ARHGAP10: variants seen among roughly 807,000 people sequenced by gnomAD.
The protein encoded by ARHGAP10 is Rho GTPase activating protein 10, also known as rho GTPase-activating protein 10.
ARHGAP10 carries 87 observed loss-of-function variants against 108.6 expected under a neutral mutation model. That is an observed-to-expected ratio of 0.80 (90% CI 0.67 to 0.96). The LOEUF (loss-of-function observed/expected upper bound fraction) is 0.96. Among genes scored for constraint, ARHGAP10 ranks in the 40% least tolerant of loss-of-function variants. The pLI, the probability that ARHGAP10 is intolerant of heterozygous loss-of-function variation, is 0.00. For missense variants in ARHGAP10, 939 were observed against 954.5 expected, an observed-to-expected ratio of 0.98 and a Z score of 0.21; for synonymous variants, 347 against 341.1, an observed-to-expected ratio of 1.02 and a Z score of -0.19.
At chr4:147,834,636 C>T (rs1301149374) in intron 3 of ARHGAP10, among the ~76,000 whole-genome samples, 1 of 151,916 alleles carries the variant, frequency 6.6e-6, no homozygotes, top group Non-Finnish European at 1.5e-5. Flanking sequence ...CCCAGAATGG[C>T]ACTGCAGCCT....
At position 147,732,170 on chromosome 4, in the gene ARHGAP10, C is replaced by T; in HGVS notation, c.-132C>T. The T allele has an allele frequency of 1.1e-6, 1 of 883,338 alleles. No individual in the cohort carries two copies. The allele number at this position is 883,338 out of a possible 1,614,324, so 54.7% of individuals were successfully genotyped here. A position where few individuals can be genotyped will look rare whatever the true frequency, so the allele number is the denominator to read the frequency against. On this transcript the variant is annotated 5_prime_UTR_variant, in exon 1 of 23. Transcript: ENST00000336498. ...CTCTACGGGACATGTCCGTGCCGCG[C>T]TCGCCGCGCGCCCGGGCCTGCTAGC...
chr4:148,027,176 T>A (rs1727899244), intron 19 of ARHGAP10, among the ~76,000 whole-genome samples: 1 of 152,236 alleles, frequency 6.6e-6, no homozygotes, highest in Non-Finnish European at 1.5e-5. Flanking sequence ...GTTCTAATTT[T>A]AAACAAAACT....
chr4:147,948,805 A>G (rs968390731), intron 15 of ARHGAP10, among the ~76,000 whole-genome samples: 19 of 135,118 alleles, frequency 1.4e-4, no homozygotes, highest in African/African-American at 1.9e-4. Flanking sequence ...AAAATACAAG[A>G]AAAAAAAAAA....
chr4:147,913,239 C>T lies in ARHGAP10; in HGVS notation c.1228+100C>T, dbSNP rs144369804. On this transcript the variant is annotated intron_variant, in intron 13 of 22. Transcript: ENST00000336498. ...TGCTTTTAAGTGTTACAGAATGAAACGTGTTAACACAAATGCTCATTCTGA... is the reference window on the plus strand; with the variant it reads ...TGCTTTTAAGTGTTACAGAATGAAATGTGTTAACACAAATGCTCATTCTGA... 7.0e-4 allele frequency: 710 copies of T among 1,009,122 alleles called. 4 individuals carry two copies. The African/African-American group carries it at 9.6e-3, about 14-fold the overall frequency. The allele number at this position is 1,009,122 out of a possible 1,614,324, so 62.5% of individuals were successfully genotyped here. A position where few individuals can be genotyped will look rare whatever the true frequency, so the allele number is the denominator to read the frequency against.
intron 12 of ARHGAP10, among the ~76,000 whole-genome samples, chr4:147,912,530 AAAAC>A (rs200443508): frequency 1.8e-4 from 26 of 143,346 alleles, no homozygotes; most frequent in East Asian, 6.0e-4. Context: ...ACAAAAACAA[AAAAC>A]AAACAAACAA....
intron 10 of ARHGAP10, among the ~76,000 whole-genome samples, chr4:147,886,675 A>G (rs1038981447): frequency 6.6e-6 from 1 of 152,120 alleles, no homozygotes; most frequent in African/African-American, 2.4e-5. Flanking sequence ...TAGAGAAGCA[A>G]TTTCTACTGT....
chr4:147,850,322 G>A (rs961943133), intron 4 of ARHGAP10, among the ~76,000 whole-genome samples: 4 of 152,198 alleles, frequency 2.6e-5, no homozygotes, highest in African/African-American at 7.2e-5. Context: ...GCCAGCAGGG[G>A]CAATGCTTGG....
intron 10 of ARHGAP10, among the ~76,000 whole-genome samples, chr4:147,890,403 T>G (rs1301582410): frequency 3.3e-5 from 5 of 152,208 alleles, no homozygotes; most frequent in Non-Finnish European, 1.5e-5. Flanking sequence ...AGACCACAGA[T>G]TTGAAAATAA....
In ARHGAP10 at chr4:147,822,820, T is replaced by C. The variant is rs773543163; in HGVS notation, c.248T>C (p.Ile83Thr). ...GDAVTDDERC[I>T]DASLREFSNF... ...GCTGTGACAGATGATGAACGATGCA[T>C]AGGTAATTAAACATGATATTTTGGT... Residue 83 changes from isoleucine (I) to threonine (T), a missense_variant and splice_region_variant, in exon 2 of 23, where the codon ATA becomes ACA. Coordinates refer to ENST00000336498, the MANE Select transcript of ARHGAP10 (RefSeq NM_024605.4). The C allele has an allele frequency of 1.2e-6, 2 of 1,614,176 alleles. No homozygotes were observed. Among genetic ancestry groups the C allele is most frequent in the East Asian group, 4.5e-5 (2 of 44,882 alleles).
Position 147,953,471 on chromosome 4 carries a change from C to T in ARHGAP10, c.1392-1845C>T, listed in dbSNP as rs151168040. On this transcript the variant is annotated intron_variant, in intron 15 of 22. Transcript: ENST00000336498. ...CTCAGGTTATCTGTTTCTTCTTGAG[C>T]GAACTTTGGTAGTCTGTGTCTTTTC... Among the ~76,000 whole-genome samples the T allele has an allele frequency of 3.2e-3, 490 of 152,132 alleles. 1 individual carries two copies. The highest frequency in any genetic ancestry group is 0.01 in the African/African-American group (428 of 41,538).
At chr4:147,825,538 A>G (rs1200481299) in intron 3 of ARHGAP10, among the ~76,000 whole-genome samples, 1 of 152,104 alleles carries the variant, frequency 6.6e-6, no homozygotes, top group Non-Finnish European at 1.5e-5. Context: ...GTGTGTATAT[A>G]TTGTAGATAC....
intron 16 of ARHGAP10, 52 bp from the exon 17 acceptor site, chr4:147,964,972 A>G: frequency 7.8e-7 from 1 of 1,277,956 alleles, no homozygotes; most frequent in Non-Finnish European, 1.1e-6. Context: ...TCTATTAACT[A>G]TTGTTTTCTT....
At chr4:147,736,793 C>A (rs2358097) in intron 1 of ARHGAP10, among the ~76,000 whole-genome samples, 13,866 of 152,206 alleles carry the variant, frequency 0.091, 1,465 homozygotes, top group African/African-American at 0.25. Context: ...TTATGATAAA[C>A]CCATTTTCTG....
intron 18 of ARHGAP10, among the ~76,000 whole-genome samples, chr4:148,022,591 C>T (rs1741609150): frequency 6.6e-6 from 1 of 152,058 alleles, no homozygotes; most frequent in African/African-American, 2.4e-5. Context: ...ATTTGCTAAG[C>T]AAAGGAGCAG....
chr4:147,838,324 A>G (rs961680836), intron 3 of ARHGAP10, among the ~76,000 whole-genome samples: 1 of 152,048 alleles, frequency 6.6e-6, no homozygotes, highest in African/African-American at 2.4e-5. Context: ...TTATTCCTGA[A>G]CCTGGCACAG....
intron 19 of ARHGAP10, among the ~76,000 whole-genome samples, 159 bp from the exon 20 acceptor site, chr4:148,046,732 TA>T (rs903805338): frequency 1.3e-5 from 2 of 152,042 alleles, no homozygotes; most frequent in Non-Finnish European, 2.9e-5. Context: ...CATCTTTGAT[TA>T]AAAAAAATGT....
intron 1 of ARHGAP10, among the ~76,000 whole-genome samples, chr4:147,771,349 GTATA>G (rs1248397076): frequency 1.3e-5 from 2 of 152,096 alleles, no homozygotes; most frequent in African/African-American, 4.8e-5. Flanking sequence ...TACACAGTAG[GTATA>G]TATATTTGTG....
Position 147,913,126 on chromosome 4 carries a change from C to T in ARHGAP10, c.1215C>T (p.Ala405=), listed in dbSNP as rs140550063. ...CAATTATCAGAAAATGCATCAGTGC[C>T]GTTGAAACACGAGGTAATATGATTG... ...GFTIIRKCIS[A]VETRGINDQG... The change falls in exon 13 of 23, where the codon GCC becomes GCT. Residue 405 remains alanine, a synonymous_variant. Transcript: ENST00000336498. The T allele has an allele frequency of 4.2e-3, 6,757 of 1,613,392 alleles. 39 individuals are homozygous for T. Among genetic ancestry groups the T allele is most frequent in the Middle Eastern group, 0.025 (149 of 6,056 alleles).
At chr4:147,943,476 G>T (rs909561557) in intron 14 of ARHGAP10, among the ~76,000 whole-genome samples, 1 of 152,174 alleles carries the variant, frequency 6.6e-6, no homozygotes, top group African/African-American at 2.4e-5. Flanking sequence ...TTTAAAATTG[G>T]ACCTAAGTCA....
Sources: gnomAD v4.1 joint callset for allele counts (sites outside exome capture counted in the v4.1 genomes callset) on GRCh38, gnomAD v4.1.1 for gene constraint, MANE v1.5 for transcripts, NCBI Gene and HGNC (gene_info 2026-07-23, HGNC 2026-07-21) for gene names.